Variants in GRM5 observed in about 807,000 individuals in gnomAD.
The protein encoded by GRM5 is metabotropic glutamate receptor 5.
A neutral mutation model predicts 83.1 loss-of-function variants in GRM5; 19 were observed. The ratio of observed to expected loss-of-function variants is 0.23; its 90% CI spans 0.16 to 0.34. GRM5 has a LOEUF of 0.34. Ranked by LOEUF, GRM5 falls within the 10% of genes least tolerant of loss-of-function variation. The pLI is 1.00. For synonymous variants in GRM5, 675 were observed against 633.6 expected (o/e 1.07, Z -0.98); for missense variants, 1,160 against 1,588.3 (o/e 0.73, Z 4.58).
chr11:88,701,046 G>A (rs1941021215), intron 3 of GRM5, among the ~76,000 whole-genome samples: 1 of 152,074 alleles, frequency 6.6e-6, no homozygotes, highest in Non-Finnish European at 1.5e-5. Context: ...CTACAAATCT[G>A]GATTCTGTGG....
intron 2 of GRM5, among the ~76,000 whole-genome samples, chr11:88,956,059 C>T (rs991963419): frequency 9.8e-5 from 15 of 152,302 alleles, no homozygotes; most frequent in African/African-American, 3.6e-4. Flanking sequence ...CACAAAACAG[C>T]ATCAGAAACT....
intron 3 of GRM5, among the ~76,000 whole-genome samples, chr11:88,775,172 C>A (rs563270582): frequency 1.3e-5 from 2 of 152,080 alleles, no homozygotes; most frequent in South Asian, 2.1e-4. Flanking sequence ...GTCTTGGGAG[C>A]GTGTATGCGT....
intron 3 of GRM5, among the ~76,000 whole-genome samples, chr11:88,759,770 A>C (rs1193595211): frequency 6.6e-6 from 1 of 152,106 alleles, no homozygotes; most frequent in Non-Finnish European, 1.5e-5. Flanking sequence ...ACAAAGGAAT[A>C]TATATTCTTT....
At chr11:88,789,294 G>A (rs1471165858) in intron 3 of GRM5, among the ~76,000 whole-genome samples, 2 of 151,740 alleles carry the variant, frequency 1.3e-5, no homozygotes, top group Non-Finnish European at 2.9e-5. Context: ...GGAAATTGTG[G>A]GTGATGAGAT....
intron 2 of GRM5, among the ~76,000 whole-genome samples, chr11:88,862,844 A>G (rs1346606319): frequency 6.6e-6 from 1 of 152,106 alleles, no homozygotes; most frequent in African/African-American, 2.4e-5. Flanking sequence ...CAGAATAGGG[A>G]AAAATGTTTA....
At chr11:88,532,145 A>G (rs1438157937) in intron 8 of GRM5, among the ~76,000 whole-genome samples, 2 of 152,200 alleles carry the variant, frequency 1.3e-5, no homozygotes, top group Non-Finnish European at 2.9e-5. Flanking sequence ...TAGTAACTCA[A>G]TATGGAATGG....
chr11:88,521,194 G>A (rs1941677542), intron 9 of GRM5, among the ~76,000 whole-genome samples: 1 of 152,036 alleles, frequency 6.6e-6, no homozygotes, highest in Admixed American at 6.6e-5. Flanking sequence ...TAGGTGGGTG[G>A]ATCACAAGGT....
Position 88,509,081 on chromosome 11 carries a change from G to T in GRM5, c.3150C>A (p.Ser1050Arg). The stretch of plus-strand genomic sequence containing the variant: ...CCATGAGGGAGCCCTGCGAGGAGCT[G>T]CTGCGCGCCACAGGCTCCGAGTGCA... ...PSLHSEPVAR[S>R]SSSQGSLMEQ... The change falls in exon 10 of 10, where the codon AGC becomes AGA. Residue 1050 changes from serine to arginine, a missense_variant. By Grantham distance (110) the Ser-to-Arg change is moderately radical. This residue lies in a region of GRM5 where 562 missense variants were observed against 532.4 expected (regional missense o/e 1.06). Transcript: ENST00000305447. 1 of 1,551,166 alleles carries T rather than the reference G, an allele frequency of 6.4e-7. No individual in the cohort carries two copies. Among genetic ancestry groups the T allele is most frequent in the Non-Finnish European group, 8.7e-7 (1 of 1,147,692 alleles).
chr11:88,687,926 C>T (rs944808872), intron 3 of GRM5, among the ~76,000 whole-genome samples: 1 of 151,992 alleles, frequency 6.6e-6, no homozygotes, highest in Non-Finnish European at 1.5e-5. Context: ...AATCTTCCTT[C>T]CGCCCTAACA....
chr11:88,917,153 C>T (rs1945609507), intron 2 of GRM5, among the ~76,000 whole-genome samples: 1 of 152,192 alleles, frequency 6.6e-6, no homozygotes, highest in Admixed American at 6.5e-5. Flanking sequence ...GACATAGAGA[C>T]ACTGCTTGGG....
At chr11:88,762,782 A>G (rs7935922) in intron 3 of GRM5, among the ~76,000 whole-genome samples, 109,849 of 151,806 alleles carry the variant, frequency 0.72, 40,168 homozygotes, top group African/African-American at 0.75. Context: ...GGCCATCAGT[A>G]GTAGGTAGAC....
chr11:89,032,673 T>C (rs1941288087), intron 2 of GRM5, among the ~76,000 whole-genome samples: 1 of 152,104 alleles, frequency 6.6e-6, no homozygotes, highest in Non-Finnish European at 1.5e-5. Flanking sequence ...AATCATCCCT[T>C]TTTTGAAATG....
chr11:88,627,598 A>T (rs751593013), intron 4 of GRM5, among the ~76,000 whole-genome samples: 1 of 152,124 alleles, frequency 6.6e-6, no homozygotes, highest in East Asian at 1.9e-4. Flanking sequence ...AGCAGAACTC[A>T]TCTTCTGTAC....
intron 8 of GRM5, among the ~76,000 whole-genome samples, chr11:88,534,753 G>C (rs1295625433): frequency 6.6e-6 from 1 of 152,144 alleles, no homozygotes; most frequent in African/African-American, 2.4e-5. Flanking sequence ...GAATAATATG[G>C]TTTGGCTCTG....
chr11:88,818,480 C>T (rs964432139), intron 3 of GRM5, among the ~76,000 whole-genome samples: 2 of 152,052 alleles, frequency 1.3e-5, no homozygotes, highest in Non-Finnish European at 2.9e-5. Flanking sequence ...AATACATCTT[C>T]AAGATGTGAA....
intron 4 of GRM5, among the ~76,000 whole-genome samples, chr11:88,637,301 A>C (rs1226592996): frequency 1.3e-5 from 2 of 151,926 alleles, no homozygotes; most frequent in African/African-American, 2.4e-5. Flanking sequence ...AAAATTGACA[A>C]ATGGGATCTA....
intron 4 of GRM5, among the ~76,000 whole-genome samples, chr11:88,623,872 CAATATT>C (rs1938712638): frequency 1.3e-5 from 2 of 152,042 alleles, no homozygotes; most frequent in African/African-American, 4.8e-5. Flanking sequence ...TGGGGGTGGG[CAATATT>C]CTTTAAATTA....
intron 3 of GRM5, among the ~76,000 whole-genome samples, chr11:88,794,020 T>C (rs10831443): frequency 0.053 from 8,088 of 152,152 alleles, 401 homozygotes; most frequent in Admixed American, 0.16. Context: ...CAAGGATCTC[T>C]TTATGTTTCT....
Position 89,047,753 on chromosome 11 carries a change from G to C in GRM5, c.120C>G (p.Leu40=), listed in dbSNP as rs1565351095. 6.2e-7 allele frequency: 1 copy of C among 1,614,070 alleles called. No individual in the cohort carries two copies. The highest frequency in any genetic ancestry group is 8.5e-7 in the Non-Finnish European group (1 of 1,180,002). Residue 40 remains leucine (L), a synonymous_variant, in exon 2 of 10, where the codon CTC becomes CTG. Transcript: ENST00000305447. This position sits in a 1 kb window ranked among gnomAD's most constrained non-coding sequence, Gnocchi z 5.1. ...CAGTAGGCTGGTGATGAACAGAAAA[G>C]AGAGCTCCAATAATGATGTCACCCG... The part of the protein sequence containing the change: ...HMPGDIIIGA[L]FSVHHQPTVD...
Sources: allele counts gnomAD v4.1 joint callset (sites outside exome capture counted in the v4.1 genomes callset), GRCh38; gene constraint gnomAD v4.1.1; regional missense constraint gnomAD v4.1.1; non-coding constraint Gnocchi (gnomAD v3.1); transcripts MANE v1.5; gene names NCBI Gene and HGNC (gene_info 2026-07-23, HGNC 2026-07-21).